The following MMEL1 variants were observed in gnomAD, a reference collection of about 807,000 sequenced individuals.
MMEL1 encodes the protein membrane metalloendopeptidase like 1.
A neutral mutation model predicts 117.1 loss-of-function variants in MMEL1; 98 were observed. The ratio of observed to expected loss-of-function variants is 0.84; its 90% CI spans 0.71 to 0.99. The LOEUF (loss-of-function observed/expected upper bound fraction) is 0.99, where lower values mean the gene tolerates loss of function less well. Among genes scored for constraint, MMEL1 ranks in the 50% least tolerant of loss-of-function variants. The probability of loss-of-function intolerance (pLI) is 0.00; values close to 1 mark genes in which losing one functional copy is unlikely to be tolerated. For missense variants in MMEL1, 1,014 were observed against 1,049.1 expected (o/e 0.97, Z 0.46); for synonymous variants, 390 against 415.1 (o/e 0.94, Z 0.74).
chr1:2,631,371 A>C (rs771900949), intron 1 of MMEL1, among the ~76,000 whole-genome samples: 2 of 152,026 alleles, frequency 1.3e-5, no homozygotes, highest in Non-Finnish European at 2.9e-5. Context: ...CCTGGGCTAA[A>C]TGTGCTTCCG....
chr1:2,594,023 C>T (rs1290264008), intron 18 of MMEL1, 90 bp from the exon 19 acceptor site: 2 of 1,445,088 alleles, frequency 1.4e-6, no homozygotes, highest in East Asian at 4.7e-5. Context: ...GGGGTTCTGA[C>T]ACTTGATCCC....
At chr1:2,623,936 G>T (rs1327092618) in intron 2 of MMEL1, among the ~76,000 whole-genome samples, 2 of 152,208 alleles carry the variant, frequency 1.3e-5, no homozygotes, top group Non-Finnish European at 2.9e-5. Context: ...CCATGGAAGG[G>T]CAGGAGATCC....
intron 2 of MMEL1, among the ~76,000 whole-genome samples, chr1:2,615,481 T>G (rs1375694154): frequency 6.6e-6 from 1 of 151,862 alleles, no homozygotes; most frequent in African/African-American, 2.4e-5. Context: ...AAGAAAACAA[T>G]GAAAGTCTGA....
chr1:2,603,819 C>T (rs1037776257), intron 11 of MMEL1, 65 bp downstream of exon 11: 59 of 1,472,720 alleles, frequency 4.0e-5, no homozygotes, highest in East Asian at 2.9e-4. Flanking sequence ...CTCAGAGGGC[C>T]GCTTCCATGT....
intron 19 of MMEL1, 81 bp from the exon 20 acceptor site, chr1:2,593,047 G>GCTCCTGCCC (rs1644768480): frequency 6.5e-7 from 1 of 1,538,864 alleles, no homozygotes; most frequent in Non-Finnish European, 8.8e-7. Flanking sequence ...GTGCCTGGCC[G>GCTCCTGCCC]CTCCTGCCCC....
At chr1:2,596,785 TCCTCAGCCTCAGGGTG>T (rs1297659406) in intron 13 of MMEL1, 96 bp from the exon 14 acceptor site, 3 of 1,472,306 alleles carry the variant, frequency 2.0e-6, no homozygotes, top group Non-Finnish European at 2.8e-6. Flanking sequence ...GACCCACCTA[TCCTCAGCCTCAGGGTG>T]CCCCGGGGCT....
At chr1:2,619,352 A>G (rs146418513) in intron 2 of MMEL1, among the ~76,000 whole-genome samples, 7 of 152,332 alleles carry the variant, frequency 4.6e-5, no homozygotes, top group Non-Finnish European at 7.3e-5. Flanking sequence ...TACGTTTGAA[A>G]TGCTTCAAAA....
At chr1:2,626,366 C>G (rs1007369203) in intron 2 of MMEL1, among the ~76,000 whole-genome samples, 1 of 152,184 alleles carries the variant, frequency 6.6e-6, no homozygotes, top group Non-Finnish European at 1.5e-5. Context: ...GTTCACAGAC[C>G]AGGTTTATAC....
At chr1:2,616,686 A>G (rs901106405) in intron 2 of MMEL1, among the ~76,000 whole-genome samples, 13 of 152,222 alleles carry the variant, frequency 8.5e-5, no homozygotes, top group African/African-American at 2.9e-4. Context: ...TGAGCCTGAG[A>G]AAGGGTAAAG....
chr1:2,592,913 TGGA>T lies in MMEL1; in HGVS notation c.1918_1920del (p.Ser640del). ...TCTGACTGCTCCCGGAAGTGCTGGG[TGGA>T]GAAGTTACTCCACCAATCCATCATG... On this transcript the variant is annotated inframe_deletion, in exon 20 of 24. Transcript: ENST00000378412. 6.8e-6 allele frequency: 11 copies of T among 1,613,436 alleles called. No individual in the cohort carries two copies. Among genetic ancestry groups the T allele is most frequent in the Non-Finnish European group, 9.3e-6 (11 of 1,179,904 alleles).
At chr1:2,599,797 T>C (rs1296999003) in intron 11 of MMEL1, among the ~76,000 whole-genome samples, 1 of 150,130 alleles carries the variant, frequency 6.7e-6, no homozygotes, top group Non-Finnish European at 1.5e-5. Context: ...GCAGAGGTTA[T>C]GGTGAGCTGA....
rs200139290 is a variant in MMEL1, at chr1:2,594,413, C to A, written c.1719G>T (p.Ala573=). ...LWIIGAAVVN[A]FYSPNRNQIV... is the part of the protein sequence containing the mutation. ...TCTGGTTTCGGTTTGGGGAGTAGAA[C>A]GCATTGACCACCGCCGCCCCGATGA... The change falls in exon 18 of 24, where the codon GCG becomes GCT. Residue 573 remains alanine (A), a synonymous_variant. Transcript: ENST00000378412. 6.4e-7 allele frequency: 1 copy of A among 1,551,644 alleles called. No homozygotes were observed. The highest frequency in any genetic ancestry group is 1.2e-5 in the South Asian group (1 of 84,052).
rs779390243 is a variant in MMEL1, at chr1:2,603,946, C to T, written c.979G>A (p.Asp327Asn). 2.2e-5 allele frequency: 36 copies of T among 1,613,768 alleles called. No homozygotes were observed. Among genetic ancestry groups the T allele is most frequent in the African/African-American group, 2.7e-5 (2 of 74,926 alleles). Reference sequence around the variant, plus strand: ...ATCCGGTGGTACAAGGCGATGACGTCGTGTCTCTCCTCCTGGGGTACCGTG... The same window carrying T: ...ATCCGGTGGTACAAGGCGATGACGTTGTGTCTCTCCTCCTGGGGTACCGTG... ...KATVPQEERH[D>N]VIALYHRMGL... Residue 327 changes from aspartate to asparagine, a missense_variant, in exon 11 of 24, where the codon GAC becomes AAC. Physicochemically the swap from Asp to Asn is conservative, Grantham distance 23. Transcript: ENST00000378412.
intron 2 of MMEL1, among the ~76,000 whole-genome samples, chr1:2,621,622 G>T (rs1645291230): frequency 6.6e-6 from 1 of 150,928 alleles, no homozygotes; most frequent in African/African-American, 2.4e-5. Flanking sequence ...ATCATGCAAT[G>T]GCACGATCTC....
chr1:2,622,943 T>C (rs1443233384), intron 2 of MMEL1, among the ~76,000 whole-genome samples: 1 of 149,314 alleles, frequency 6.7e-6, no homozygotes, highest in Non-Finnish European at 1.5e-5. Context: ...CCCAGCACTT[T>C]GGGAGGCCAA....
intron 9 of MMEL1, among the ~76,000 whole-genome samples, 164 bp downstream of exon 9, chr1:2,605,394 A>G (rs1221875182): frequency 6.6e-6 from 1 of 151,968 alleles, no homozygotes; most frequent in Non-Finnish European, 1.5e-5. Context: ...GGCAAGCAAT[A>G]GGTCACGTCT....
At chr1:2,614,918 C>A (rs1249398364) in intron 2 of MMEL1, among the ~76,000 whole-genome samples, 1 of 151,306 alleles carries the variant, frequency 6.6e-6, no homozygotes, top group Non-Finnish European at 1.5e-5. Context: ...AAAAACTCAC[C>A]CCAAATTCAC....
intron 13 of MMEL1, among the ~76,000 whole-genome samples, chr1:2,597,994 TC>T (rs1644871992): frequency 6.6e-6 from 1 of 152,030 alleles, no homozygotes. Flanking sequence ...CCTCCCTGCC[TC>T]CCCGCCACAT....
intron 2 of MMEL1, among the ~76,000 whole-genome samples, chr1:2,626,983 C>T (rs1475874812): frequency 1.3e-5 from 2 of 152,132 alleles, no homozygotes; most frequent in African/African-American, 4.8e-5. Flanking sequence ...TCCAGCCATA[C>T]ACGATTGAAA....
Sources: allele counts gnomAD v4.1 joint callset (sites outside exome capture counted in the v4.1 genomes callset), GRCh38; gene constraint gnomAD v4.1.1; transcripts MANE v1.5; gene names NCBI Gene and HGNC (gene_info 2026-07-23, HGNC 2026-07-21).